AGPAT3: variants seen among roughly 807,000 people sequenced by gnomAD.
AGPAT3 encodes the protein 1-acylglycerol-3-phosphate O-acyltransferase 3.
In AGPAT3, 5 loss-of-function variants were observed where a neutral mutation model predicts 47.3. That is an observed-to-expected ratio of 0.11 (90% CI 0.06 to 0.22). AGPAT3 has a LOEUF of 0.22. Among genes scored for constraint, AGPAT3 ranks in the 10% least tolerant of loss-of-function variants. AGPAT3 has a pLI of 1.00. For synonymous variants in AGPAT3, 212 were observed against 208.3 expected (o/e 1.02, Z -0.15); for missense variants, 315 against 493.0 (o/e 0.64, Z 3.42).
At position 43,981,524 on chromosome 21, in the gene AGPAT3, G is replaced by A; in HGVS notation, c.1042+337G>A. 2.5e-6 allele frequency: 1 copy of A among 398,502 alleles called. No individual in the cohort carries two copies. The highest frequency in any genetic ancestry group is 4.7e-6 in the Non-Finnish European group (1 of 212,584). 24.7% of individuals were successfully genotyped at this position (398,502 alleles called of 1,614,324 possible). ...TTTGGGCTCTTAGGGGTCAGGCTGGGCTGGCCATTCGGGAGGTTTAAGCAG... is the reference window on the plus strand; with the variant it reads ...TTTGGGCTCTTAGGGGTCAGGCTGGACTGGCCATTCGGGAGGTTTAAGCAG... On this transcript the variant is annotated intron_variant, in intron 9 of 9. Coordinates refer to ENST00000291572, the MANE Select transcript of AGPAT3 (RefSeq NM_020132.5). This position sits in a 1 kb window ranked among gnomAD's most constrained non-coding sequence, Gnocchi z 5.3.
At chr21:43,964,448 G>A (rs1180349420) in intron 3 of AGPAT3, among the ~76,000 whole-genome samples, 2 of 151,716 alleles carry the variant, frequency 1.3e-5, no homozygotes, top group Non-Finnish European at 2.9e-5. Context: ...CGCCCACCTC[G>A]GCCTCCCAAA....
chr21:43,876,858 GTTTTA>G (rs1673965882), intron 1 of AGPAT3, among the ~76,000 whole-genome samples: 2 of 151,656 alleles, frequency 1.3e-5, no homozygotes, highest in Non-Finnish European at 2.9e-5. Flanking sequence ...TTTTTTGTTT[GTTTTA>G]TTTGTTTTTT....
Position 43,939,181 on chromosome 21 carries a change from T to C in AGPAT3, c.-48-20453T>C, listed in dbSNP as rs1019896873. Among the ~76,000 whole-genome samples, 5 of 152,302 alleles carry C rather than the reference T, an allele frequency of 3.3e-5. No homozygotes were observed. The South Asian group carries it at 1.0e-3, about 32-fold the overall frequency. Reference sequence around the variant, plus strand: ...AGCAGTGACTTTCACTTTATCCCACTGTGGCCCCGTGACCCTGAGCGAGAA... The same window carrying C: ...AGCAGTGACTTTCACTTTATCCCACCGTGGCCCCGTGACCCTGAGCGAGAA... On this transcript the variant is annotated intron_variant, in intron 2 of 9. Coordinates refer to ENST00000291572, the MANE Select transcript of AGPAT3 (RefSeq NM_020132.5). This position sits in a 1 kb window ranked among gnomAD's most constrained non-coding sequence, Gnocchi z 4.4.
chr21:43,874,171 G>A (rs1041357649), intron 1 of AGPAT3, among the ~76,000 whole-genome samples: 3 of 152,176 alleles, frequency 2.0e-5, no homozygotes, highest in African/African-American at 2.4e-5. Flanking sequence ...GATTATAGGC[G>A]TGTGCCACCA....
intron 2 of AGPAT3, among the ~76,000 whole-genome samples, chr21:43,938,476 T>C (rs960492337): frequency 3.3e-5 from 5 of 152,042 alleles, no homozygotes; most frequent in Admixed American, 6.5e-5. Flanking sequence ...GTATTTTTAA[T>C]AGAGACAGGG....
chr21:43,956,279 G>T (rs898859218), intron 2 of AGPAT3, among the ~76,000 whole-genome samples: 8 of 151,052 alleles, frequency 5.3e-5, no homozygotes, highest in Admixed American at 6.6e-5. Context: ...GCCCACCCTG[G>T]GGGGGCTGCA....
intron 2 of AGPAT3, among the ~76,000 whole-genome samples, chr21:43,938,109 CACACACAG>C: frequency 7.5e-6 from 1 of 133,874 alleles, no homozygotes; most frequent in Non-Finnish European, 1.7e-5. Flanking sequence ...CTCTCTCACA[CACACACAG>C]ACACACACAC....
intron 2 of AGPAT3, among the ~76,000 whole-genome samples, chr21:43,936,133 G>C (rs561400825): frequency 6.6e-6 from 1 of 152,314 alleles, no homozygotes; most frequent in African/African-American, 2.4e-5. Flanking sequence ...CAAAGAGGGG[G>C]AGCCAAGGCC....
intron 7 of AGPAT3, among the ~76,000 whole-genome samples, chr21:43,977,513 C>A (rs1057482994): frequency 6.6e-6 from 1 of 152,164 alleles, no homozygotes; most frequent in Non-Finnish European, 1.5e-5. Context: ...CCTCTCGCCG[C>A]CATGCCACGC....
At chr21:43,935,405 G>A (rs1261064548) in intron 2 of AGPAT3, among the ~76,000 whole-genome samples, 8 of 152,240 alleles carry the variant, frequency 5.3e-5, no homozygotes, top group East Asian at 3.9e-4. Flanking sequence ...GCCCCCAGGC[G>A]CCTGGCCCTG....
In AGPAT3 at chr21:43,985,259, G is replaced by A. The variant is rs571219613; in HGVS notation, c.*2867G>A. 6.6e-6 allele frequency: 3 copies of A among 456,114 alleles called. No homozygotes were observed. The highest frequency in any genetic ancestry group is 1.5e-5 in the South Asian group (1 of 64,568). 28.3% of individuals were successfully genotyped at this position (456,114 alleles called of 1,614,324 possible). A position where few individuals can be genotyped will look rare whatever the true frequency, so the allele number is the denominator to read the frequency against. On this transcript the variant is annotated 3_prime_UTR_variant, in exon 10 of 10. Coordinates refer to ENST00000291572, the MANE Select transcript of AGPAT3 (RefSeq NM_020132.5). ...AGACACTGGTTGTCTGGTACTCGGC[G>A]ACAGTGTACCAGACGCGCACCCTAT...
At chr21:43,865,447 C>G (rs2085482948) in intron 1 of AGPAT3, 102 bp downstream of exon 1, 3 of 146,620 alleles carry the variant, frequency 2.0e-5, no homozygotes, top group Admixed American at 2.0e-4. Context: ...TCGCCCCTGC[C>G]CCAGCCGTCC....
At position 43,909,293 on chromosome 21, in the gene AGPAT3, T is replaced by A. The variant is rs997056070; in HGVS notation, c.-49+5274T>A. On this transcript the variant is annotated intron_variant, in intron 2 of 9. Transcript: ENST00000291572. The stretch of plus-strand genomic sequence containing the variant: ...GTGGGCCACTCATTTTTCATACACA[T>A]TTTTTTTTTTTTTTTTTTTTGAGAC... 0.019 allele frequency among the ~76,000 whole-genome samples: 122 copies of A among 6,294 alleles called. No homozygotes were observed. The South Asian group carries it at 0.19, about 10-fold the overall frequency. 4.1% of individuals were successfully genotyped at this position (6,294 alleles called of 152,430 possible). A position where few individuals can be genotyped will look rare whatever the true frequency, so the allele number is the denominator to read the frequency against.
At chr21:43,907,446 G>A (rs564103031) in intron 2 of AGPAT3, among the ~76,000 whole-genome samples, 3 of 152,190 alleles carry the variant, frequency 2.0e-5, no homozygotes, top group Non-Finnish European at 4.4e-5. Context: ...TACCAGGTAC[G>A]GTGGCTCACA....
At chr21:43,897,893 C>T (rs1456900609) in intron 1 of AGPAT3, among the ~76,000 whole-genome samples, 1 of 152,228 alleles carries the variant, frequency 6.6e-6, no homozygotes, top group South Asian at 2.1e-4. Context: ...AATCCCAGCA[C>T]CTCGGGAGGC....
At chr21:43,949,456 C>T (rs2088075737) in intron 2 of AGPAT3, among the ~76,000 whole-genome samples, 1 of 152,240 alleles carries the variant, frequency 6.6e-6, no homozygotes, top group South Asian at 2.1e-4. Context: ...TAGCCCAAGC[C>T]ACCACCTCTG....
intron 2 of AGPAT3, among the ~76,000 whole-genome samples, chr21:43,936,093 G>T (rs1379519084): frequency 1.3e-5 from 2 of 152,242 alleles, no homozygotes; most frequent in Non-Finnish European, 2.9e-5. Context: ...GCACCCCTGG[G>T]GACAGCCGTG....
intron 2 of AGPAT3, among the ~76,000 whole-genome samples, chr21:43,913,013 A>G (rs893820810): frequency 6.6e-6 from 1 of 152,158 alleles, no homozygotes; most frequent in Non-Finnish European, 1.5e-5. Context: ...AGGACGTGTA[A>G]TATTTAGTAC....
rs184186127 is a variant in AGPAT3 at position 43,930,499 on chromosome 21, A to G, written c.-49+26480A>G. 9.2e-5 allele frequency among the ~76,000 whole-genome samples: 14 copies of G among 152,020 alleles called. No homozygotes were observed. Among genetic ancestry groups the G allele is most frequent in the African/African-American group, 3.4e-4 (14 of 41,458 alleles). Reference sequence around the variant, plus strand: ...CGCTGTGGTGTGTCTCAGCAACATCATCTTTCTTACTGTCCCTGTTCTCTG... The same window carrying G: ...CGCTGTGGTGTGTCTCAGCAACATCGTCTTTCTTACTGTCCCTGTTCTCTG... On this transcript the variant is annotated intron_variant, in intron 2 of 9. Transcript: ENST00000291572. This position sits in a 1 kb window ranked among gnomAD's most constrained non-coding sequence, Gnocchi z 5.0.
Sources: allele counts gnomAD v4.1 joint callset (sites outside exome capture counted in the v4.1 genomes callset), GRCh38; gene constraint gnomAD v4.1.1; non-coding constraint Gnocchi (gnomAD v3.1); transcripts MANE v1.5; gene names NCBI Gene and HGNC (gene_info 2026-07-23, HGNC 2026-07-21).